Variants in SH3TC1 observed in about 807,000 individuals in gnomAD.
The protein encoded by SH3TC1 is SH3 domain and tetratricopeptide repeat-containing protein 1.
SH3TC1 carries 135 observed loss-of-function variants against 117.3 expected under a neutral mutation model. The observed-to-expected ratio is 1.15, with a 90% confidence interval of 1.00 to 1.33. The LOEUF (loss-of-function observed/expected upper bound fraction) is 1.33. Ranked by LOEUF, SH3TC1 falls within the 40% of genes most tolerant of loss-of-function variation. SH3TC1 has a pLI of 0.00. For synonymous variants in SH3TC1, 898 were observed against 816.9 expected, an observed-to-expected ratio of 1.10 and a Z score of -1.69; for missense variants, 2,092 against 1,794.3, an observed-to-expected ratio of 1.17 and a Z score of -3.00.
chr4:8,240,098 C>G (rs1274471915), intron 17 of SH3TC1, among the ~76,000 whole-genome samples: 1 of 152,016 alleles, frequency 6.6e-6, no homozygotes, highest in Non-Finnish European at 1.5e-5. Context: ...TGGGGAGAAG[C>G]TGGGTGGGGG....
At chr4:8,218,068 G>A (rs529714587) in intron 7 of SH3TC1, among the ~76,000 whole-genome samples, 154 of 152,324 alleles carry the variant, frequency 1.0e-3, no homozygotes, top group African/African-American at 3.5e-3. Context: ...GGCTCCCTGG[G>A]GGCAGTGCCA....
At chr4:8,233,798 C>A (rs1237001309) in intron 14 of SH3TC1, among the ~76,000 whole-genome samples, 1 of 139,404 alleles carries the variant, frequency 7.2e-6, no homozygotes, top group African/African-American at 2.7e-5. Flanking sequence ...TTCACCTGTT[C>A]GTCCTTCCAT....
chr4:8,216,026 C>A, intron 5 of SH3TC1, 85 bp from the exon 6 acceptor site: 1 of 1,526,418 alleles, frequency 6.6e-7, no homozygotes. Context: ...CAGTGCAGGG[C>A]TCAGCCGACC....
rs531359216 is a variant in SH3TC1 at position 8,212,294 on chromosome 4, G to A, written c.248-407G>A. Among the ~76,000 whole-genome samples, 10 of 150,938 alleles carry A rather than the reference G, an allele frequency of 6.6e-5. No homozygotes were observed. The East Asian group carries it at 7.7e-4, about 12-fold the overall frequency. ...CGTGGAGGAGGAGCTTGCTAAGTGC[G>A]GCTGTCCAGGTCCTGTGCCCGCAAG... is the stretch of plus-strand genomic sequence containing the variant. On this transcript the variant is annotated intron_variant, in intron 3 of 17. Transcript: ENST00000245105.
At chr4:8,234,493 ACC>A (rs1339189506) in intron 14 of SH3TC1, among the ~76,000 whole-genome samples, 1 of 28,160 alleles carries the variant, frequency 3.6e-5, no homozygotes, top group Non-Finnish European at 8.3e-5. Context: ...CCATCCATCC[ACC>A]CATCCATCCA....
rs956016293 is a variant in SH3TC1 at position 8,240,982 on chromosome 4, G to A, written c.*27G>A. The A allele has an allele frequency of 6.2e-7, 1 of 1,600,350 alleles. No individual in the cohort carries two copies. Among genetic ancestry groups the A allele is most frequent in the Non-Finnish European group, 8.5e-7 (1 of 1,176,388 alleles). On this transcript the variant is annotated 3_prime_UTR_variant, in exon 18 of 18. Coordinates refer to ENST00000245105, the MANE Select transcript of SH3TC1 (RefSeq NM_018986.5). Reference sequence around the variant, plus strand: ...GACAGCATCCAAGGGAGTGGGTTTTGTGCAAGGGCTGGGGGTCTCCTGCCT... The same window carrying A: ...GACAGCATCCAAGGGAGTGGGTTTTATGCAAGGGCTGGGGGTCTCCTGCCT...
upstream of SH3TC1, among the ~76,000 whole-genome samples, chr4:8,195,655 C>G (rs968024716): frequency 2.6e-5 from 4 of 152,182 alleles, no homozygotes; most frequent in Non-Finnish European, 5.9e-5. Context: ...TGGAGCCCGT[C>G]TGGGGGCTTT....
rs868540889 is a variant in SH3TC1 at position 8,226,922 on chromosome 4, G to A, written c.1286-58G>A. 6.0e-6 allele frequency: 8 copies of A among 1,334,920 alleles called. No individual in the cohort carries two copies. The Middle Eastern group carries it at 1.0e-3, about 167-fold the overall frequency. 82.7% of individuals were successfully genotyped at this position (1,334,920 alleles called of 1,614,324 possible). A position where few individuals can be genotyped will look rare whatever the true frequency, so the allele number is the denominator to read the frequency against. On this transcript the variant is annotated intron_variant, in intron 11 of 17. Transcript: ENST00000245105. ...TGGGGATGAGGGGACCCTGCCCCCAGTGGACCCAGGACTCACTGCTGGACT... is the reference window on the plus strand; with the variant it reads ...TGGGGATGAGGGGACCCTGCCCCCAATGGACCCAGGACTCACTGCTGGACT...
In SH3TC1 at chr4:8,219,399, A is replaced by T. The variant is rs1421561372; in HGVS notation, c.981A>T (p.Arg327=). 1 of 1,610,092 alleles carries T rather than the reference A, an allele frequency of 6.2e-7. No individual in the cohort carries two copies. The highest frequency in any genetic ancestry group is 2.2e-5 in the East Asian group (1 of 44,686). ...QGSGPEEMTF[R]GGDLIEILGA... Reference sequence around the variant, plus strand: ...CGGGGCCCGAAGAGATGACCTTCCGAGGTGGCGACCTCATCGAGATCCTTG... The same window carrying T: ...CGGGGCCCGAAGAGATGACCTTCCGTGGTGGCGACCTCATCGAGATCCTTG... The change falls in exon 9 of 18, where the codon CGA becomes CGT. Residue 327 remains arginine, a synonymous_variant. Coordinates refer to ENST00000245105, the MANE Select transcript of SH3TC1 (RefSeq NM_018986.5).
chr4:8,223,078 AG>A (rs1720102987), intron 10 of SH3TC1, 108 bp downstream of exon 10: 15 of 1,439,854 alleles, frequency 1.0e-5, no homozygotes, highest in Non-Finnish European at 1.4e-5. Flanking sequence ...GGATGCTGAA[AG>A]GTGAACAGAC....
intron 8 of SH3TC1, among the ~76,000 whole-genome samples, chr4:8,218,660 C>A (rs892108607): frequency 6.6e-6 from 1 of 152,252 alleles, no homozygotes; most frequent in Non-Finnish European, 1.5e-5. Flanking sequence ...CTCCCAAACG[C>A]CACTTCTCAG....
At position 8,233,466 on chromosome 4, in the gene SH3TC1, A is replaced by C. The variant is rs1309372113; in HGVS notation, c.3235A>C (p.Ile1079Leu). The C allele has an allele frequency of 6.2e-7, 1 of 1,613,796 alleles. No individual in the cohort carries two copies. The highest frequency in any genetic ancestry group is 8.5e-7 in the Non-Finnish European group (1 of 1,179,876). Residue 1079 changes from isoleucine (I) to leucine (L), a missense_variant, in exon 14 of 18, where the codon ATC becomes CTC. Transcript: ENST00000245105. ...GCATGCCTGGCTGCAAGCAGGGAAG[A>C]TCTATTACATCTTGCGGCAGAGCGA... is the stretch of plus-strand genomic sequence containing the variant. ...EAHAWLQAGKIYYILRQSELV... is the reference protein window; with the variant it reads ...EAHAWLQAGKLYYILRQSELV...
At position 8,192,092 on chromosome 4, in the gene SH3TC1, T is replaced by G. The variant is rs1313442925; in HGVS notation, c.-57+9882T>G. 6.6e-6 allele frequency among the ~76,000 whole-genome samples: 1 copy of G among 151,556 alleles called. No individual in the cohort carries two copies. Among genetic ancestry groups the G allele is most frequent in the African/African-American group, 2.4e-5 (1 of 41,224 alleles). On this transcript the variant is annotated intron_variant, in intron 1 of 16. Transcript: ENST00000508641. The surrounding 1 kb of genome is among the most constrained non-coding windows in gnomAD (Gnocchi z 4.1). ...GCCACCTCGGCCTCCCAGGTTCAAG[T>G]GATTCTCTCACCTCTGCCTCCCAAG...
chr4:8,224,517 C>A, intron 10 of SH3TC1: 1 of 152,480 alleles, frequency 6.6e-6, no homozygotes, highest in Non-Finnish European at 1.5e-5. Context: ...GGAGGCATTG[C>A]AGGGTGCTCC....
intron 5 of SH3TC1, chr4:8,215,307 C>G: frequency 2.2e-6 from 1 of 449,364 alleles, no homozygotes; most frequent in Non-Finnish European, 4.5e-6. Flanking sequence ...CGGAGCCTCC[C>G]TGGGGATCTT....
chr4:8,208,295 C>T (rs537180287), intron 2 of SH3TC1, among the ~76,000 whole-genome samples: 25 of 152,314 alleles, frequency 1.6e-4, no homozygotes, highest in East Asian at 1.3e-3. Context: ...TTTCGGTTAC[C>T]GCTGTCAGGT....
intron 9 of SH3TC1, 36 bp downstream of exon 9, chr4:8,219,566 A>C (rs1435851919): frequency 3.4e-6 from 5 of 1,453,420 alleles, no homozygotes; most frequent in Admixed American, 2.6e-5. Flanking sequence ...TCCTGAACCC[A>C]CCCCCATCTC....
In SH3TC1 at chr4:8,209,552, C is replaced by T; in HGVS notation, c.173-196C>T. Reference sequence around the variant, plus strand: ...CTGAGTGTGGGGCAGCTTGTCACAGCATGCTGGGAAGTGCAGGCAGCTTCC... The same window carrying T: ...CTGAGTGTGGGGCAGCTTGTCACAGTATGCTGGGAAGTGCAGGCAGCTTCC... On this transcript the variant is annotated intron_variant, in intron 2 of 17. Coordinates refer to ENST00000245105, the MANE Select transcript of SH3TC1 (RefSeq NM_018986.5). The surrounding 1 kb of genome is among the most constrained non-coding windows in gnomAD (Gnocchi z 5.9). 5.5e-6 allele frequency: 7 copies of T among 1,275,278 alleles called. No individual in the cohort carries two copies. The highest frequency in any genetic ancestry group is 7.6e-6 in the Non-Finnish European group (7 of 918,218). The allele number at this position is 1,275,278 out of a possible 1,614,324, so 79.0% of individuals were successfully genotyped here.
Position 8,212,839 on chromosome 4 carries a change from C to T in SH3TC1, c.375+11C>T, listed in dbSNP as rs758717410. On this transcript the variant is annotated intron_variant, in intron 4 of 17. Transcript: ENST00000245105. ...GCCCGCGTGCTTGGGGTGAGTAGCCCTCTGGGGCCTGCTCAGGGATGGGAG... is the reference window on the plus strand; with the variant it reads ...GCCCGCGTGCTTGGGGTGAGTAGCCTTCTGGGGCCTGCTCAGGGATGGGAG... 22 of 1,553,192 alleles carry T rather than the reference C, an allele frequency of 1.4e-5. No individual in the cohort carries two copies. Among genetic ancestry groups the T allele is most frequent in the Non-Finnish European group, 1.7e-5 (19 of 1,147,912 alleles).
Sources: gnomAD v4.1 joint callset for allele counts (sites outside exome capture counted in the v4.1 genomes callset) on GRCh38, gnomAD v4.1.1 for gene constraint, Gnocchi (gnomAD v3.1) non-coding constraint, MANE v1.5 for transcripts, NCBI Gene and HGNC (gene_info 2026-07-23, HGNC 2026-07-21) for gene names.